The following PPP1R21 variants were observed in gnomAD, a reference collection of about 807,000 sequenced individuals.
PPP1R21 encodes protein phosphatase 1 regulatory subunit 21, also known as KLRAQ motif containing 1.
Under a neutral mutation model 112.8 loss-of-function variants are expected in PPP1R21, and 85 were observed. The observed-to-expected ratio is 0.75, with a 90% CI of 0.63 to 0.90. The LOEUF is 0.90. Among genes scored for constraint, PPP1R21 ranks in the 40% least tolerant of loss-of-function variants. The probability of loss-of-function intolerance (pLI) is 0.00; values close to 1 mark genes in which losing one functional copy is unlikely to be tolerated. For missense variants in PPP1R21, 1,199 were observed against 901.5 expected, an observed-to-expected ratio of 1.33 and a Z score of -4.23; for synonymous variants, 381 against 322.3, an observed-to-expected ratio of 1.18 and a Z score of -1.95.
intron 13 of PPP1R21, among the ~76,000 whole-genome samples, chr2:48,485,210 T>A (rs953810744): frequency 6.6e-6 from 1 of 152,200 alleles, no homozygotes; most frequent in Non-Finnish European, 1.5e-5. Flanking sequence ...TGTTCACCAT[T>A]TGGGTGATGG....
intron 21 of PPP1R21, among the ~76,000 whole-genome samples, chr2:48,512,212 C>T (rs1670671950): frequency 6.6e-6 from 1 of 152,172 alleles, no homozygotes; most frequent in Admixed American, 6.5e-5. Flanking sequence ...TTCCCATAAT[C>T]CTTCTGCTTG....
chr2:48,498,728 C>G lies in PPP1R21; in HGVS notation c.1928C>G (p.Thr643Ser), dbSNP rs750171226. 6.8e-6 allele frequency: 11 copies of G among 1,613,978 alleles called. No individual in the cohort carries two copies. Among genetic ancestry groups the G allele is most frequent in the Non-Finnish European group, 9.3e-6 (11 of 1,179,978 alleles). Residue 643 changes from threonine to serine, a missense_variant, in exon 17 of 22, where the codon ACC (threonine) becomes AGC (serine). Coordinates refer to ENST00000294952, the MANE Select transcript of PPP1R21 (RefSeq NM_001135629.3). ...AKAVLEPIQS[T>S]SLIGTLTRTS... is the part of the protein sequence containing the mutation. ...GCTGTGTTGGAGCCCATTCAGAGCA[C>G]CAGTCTAGTAAGTGTCTTCTTGGTT...
chr2:48,440,867 C>T lies in PPP1R21; in HGVS notation c.-87C>T. 1.0e-6 allele frequency: 1 copy of T among 977,202 alleles called. No homozygotes were observed. Among genetic ancestry groups the T allele is most frequent in the South Asian group, 1.4e-5 (1 of 70,938 alleles). The allele number at this position is 977,202 out of a possible 1,614,324, so 60.5% of individuals were successfully genotyped here. On this transcript the variant is annotated 5_prime_UTR_variant, in exon 1 of 22. Coordinates refer to ENST00000294952, the MANE Select transcript of PPP1R21 (RefSeq NM_001135629.3). ...GGCCAAGCAGGCAGATACTGCCTGA[C>T]CCGTTCCCGGGAGCGTGTCTGGGTT...
rs755150371 is a variant in PPP1R21, at chr2:48,486,681, A to G, written c.1369A>G (p.Thr457Ala). The G allele has an allele frequency of 1.2e-6, 2 of 1,613,772 alleles. No homozygotes were observed. The highest frequency in any genetic ancestry group is 1.7e-6 in the Non-Finnish European group (2 of 1,179,674). The change falls in exon 14 of 22, where the codon ACA becomes GCA. Residue 457 changes from threonine (T) to alanine (A), a missense_variant. Thr to Ala is a moderately conservative substitution (Grantham distance 58, BLOSUM62 0). Coordinates refer to ENST00000294952, the MANE Select transcript of PPP1R21 (RefSeq NM_001135629.3). ...QKAAIEHELP[T>A]ATQKLITTND... ...AGCTGCAATAGAGCATGAACTTCCA[A>G]CAGCAACACAGAAGCTGATAACAAC...
chr2:48,495,160 A>T (rs1669769892), intron 15 of PPP1R21, among the ~76,000 whole-genome samples: 1 of 152,222 alleles, frequency 6.6e-6, no homozygotes, highest in Non-Finnish European at 1.5e-5. Flanking sequence ...GAACCAAGGT[A>T]AGTCAGTGAC....
At chr2:48,481,931 C>T (rs1291383835) in intron 13 of PPP1R21, among the ~76,000 whole-genome samples, 2 of 152,040 alleles carry the variant, frequency 1.3e-5, no homozygotes, top group Non-Finnish European at 2.9e-5. Flanking sequence ...TTAAAAGTAT[C>T]GTACAAAATT....
chr2:48,495,829 T>G (rs1015148252), intron 16 of PPP1R21, 58 bp downstream of exon 16: 1 of 1,007,122 alleles, frequency 9.9e-7, no homozygotes, highest in Non-Finnish European at 1.6e-6. Context: ...AAATCCCCCA[T>G]AGAAAGTTTT....
chr2:48,447,133 G>T (rs1326342488), intron 1 of PPP1R21, among the ~76,000 whole-genome samples: 1 of 152,182 alleles, frequency 6.6e-6, no homozygotes, highest in Non-Finnish European at 1.5e-5. Flanking sequence ...TAATTTTAAA[G>T]AGATGTTTTG....
chr2:48,500,910 A>AC (rs1310297766), intron 17 of PPP1R21, among the ~76,000 whole-genome samples: 1 of 148,246 alleles, frequency 6.7e-6, no homozygotes, highest in Non-Finnish European at 1.5e-5. Context: ...CTCTGTCTCT[A>AC]CAAAAAAAAA....
chr2:48,476,832 T>A (rs1041558652), intron 12 of PPP1R21, among the ~76,000 whole-genome samples: 4 of 152,176 alleles, frequency 2.6e-5, no homozygotes, highest in Non-Finnish European at 5.9e-5. Context: ...CTTTATGTAT[T>A]ATACATACAA....
At chr2:48,479,004 G>T (rs115949570) in intron 12 of PPP1R21, among the ~76,000 whole-genome samples, 2,480 of 152,244 alleles carry the variant, frequency 0.016, 57 homozygotes, top group African/African-American at 0.054. Context: ...GCCCTTAGTG[G>T]AGGGGGTAGG....
At chr2:48,507,437 G>A (rs6716341) in intron 19 of PPP1R21, 52 bp downstream of exon 19, 1,574,781 of 1,574,892 alleles carry the variant, frequency 1, 787,335 homozygotes, top group East Asian at 1. Flanking sequence ...CCCTGCAGGA[G>A]TTAGGACACT....
At chr2:48,456,070 G>T (rs1572836150) in intron 3 of PPP1R21, among the ~76,000 whole-genome samples, 1 of 147,082 alleles carries the variant, frequency 6.8e-6, no homozygotes, top group Admixed American at 6.8e-5. Flanking sequence ...CCTTAGGTTT[G>T]TAAGTTTACT....
chr2:48,506,306 C>G (rs1670373441), intron 18 of PPP1R21, among the ~76,000 whole-genome samples: 1 of 152,164 alleles, frequency 6.6e-6, no homozygotes, highest in African/African-American at 2.4e-5. Context: ...GTTGGCCAGG[C>G]TGGTCTCAAA....
rs139551985 is a variant in PPP1R21 at position 48,481,712 on chromosome 2, A to G, written c.1318+1696A>G. 2.4e-3 allele frequency among the ~76,000 whole-genome samples: 369 copies of G among 152,298 alleles called. 1 individual carries two copies. The highest frequency in any genetic ancestry group is 0.014 in the Middle Eastern group (4 of 294). On this transcript the variant is annotated intron_variant, in intron 13 of 21. Transcript: ENST00000294952. The stretch of plus-strand genomic sequence containing the variant: ...GGCAACATAGGGAGACCCTGTCTCT[A>G]CAAAATGAAACAATAAAATAAAAAA...
intron 15 of PPP1R21, among the ~76,000 whole-genome samples, chr2:48,492,955 C>G (rs1015752242): frequency 6.6e-6 from 1 of 151,112 alleles, no homozygotes. Context: ...GGTGGAACAT[C>G]CTTTCATAGT....
intron 14 of PPP1R21, among the ~76,000 whole-genome samples, chr2:48,487,495 G>A (rs1206012313): frequency 6.6e-6 from 1 of 152,058 alleles, no homozygotes; most frequent in Non-Finnish European, 1.5e-5. Context: ...AGGTGCTGTG[G>A]CTCACACCTG....
chr2:48,479,906 G>A lies in PPP1R21; in HGVS notation c.1226-18G>A, dbSNP rs1387721666. ...ATTTTTCAGGAAAATGCTTAGATTT[G>A]TGATTTTGATTTCCTAGGTACAGAG... On this transcript the variant is annotated intron_variant, in intron 12 of 21. Transcript: ENST00000294952. The A allele has an allele frequency of 6.6e-7, 1 of 1,506,958 alleles. No individual in the cohort carries two copies. The allele number at this position is 1,506,958 out of a possible 1,614,324, so 93.3% of individuals were successfully genotyped here.
intron 7 of PPP1R21, among the ~76,000 whole-genome samples, chr2:48,462,986 A>G (rs559048527): frequency 6.6e-6 from 1 of 152,338 alleles, no homozygotes; most frequent in East Asian, 1.9e-4. Context: ...ATGGTGATGC[A>G]GTTGACCGAA....
Sources: gnomAD v4.1 joint callset for allele counts (sites outside exome capture counted in the v4.1 genomes callset) on GRCh38, gnomAD v4.1.1 for gene constraint, MANE v1.5 for transcripts, NCBI Gene and HGNC (gene_info 2026-07-23, HGNC 2026-07-21) for gene names.